The following ISOC1 variants were observed in gnomAD, a reference collection of about 807,000 sequenced individuals.
ISOC1 encodes the protein isochorismatase domain-containing protein 1.
In ISOC1, 33 loss-of-function variants were observed where a neutral mutation model predicts 30.0. The ratio of observed to expected loss-of-function variants is 1.10; its 90% confidence interval spans 0.83 to 1.47. The LOEUF is 1.47. Ranked by LOEUF, ISOC1 falls within the 40% of genes most tolerant of loss-of-function variation. ISOC1 has a pLI of 0.00. For synonymous variants in ISOC1, 178 were observed against 159.8 expected (o/e 1.11, Z -0.86); for missense variants, 372 against 388.0 (o/e 0.96, Z 0.35).
intron 1 of ISOC1, among the ~76,000 whole-genome samples, chr5:129,097,198 C>A (rs1227906250): frequency 6.6e-6 from 1 of 151,846 alleles, no homozygotes; most frequent in Non-Finnish European, 1.5e-5. Flanking sequence ...ATTTTTAATT[C>A]TTTAAAAATA....
intron 1 of ISOC1, among the ~76,000 whole-genome samples, chr5:129,100,658 G>C (rs762867194): frequency 1.3e-5 from 2 of 152,060 alleles, no homozygotes; most frequent in Non-Finnish European, 2.9e-5. Context: ...GGCTACTGGC[G>C]ATATTTTTTA....
Position 129,110,637 on chromosome 5 carries a change from C to T in ISOC1, c.751-2218C>T, listed in dbSNP as rs551756083. Among the ~76,000 whole-genome samples the T allele has an allele frequency of 2.6e-5, 4 of 151,752 alleles. No individual in the cohort carries two copies. The South Asian group carries it at 8.3e-4, about 31-fold the overall frequency. On this transcript the variant is annotated intron_variant, in intron 4 of 4. Coordinates refer to ENST00000173527, the MANE Select transcript of ISOC1 (RefSeq NM_016048.2). ...GTATTTCTGTGATGTACACTTCCCA[C>T]TCTGCCCCTGCTATGGCCACCTGAG...
intron 4 of ISOC1, among the ~76,000 whole-genome samples, chr5:129,108,510 CT>C (rs561317009): frequency 2.4e-3 from 346 of 143,800 alleles, no homozygotes; most frequent in Non-Finnish European, 2.6e-3. Context: ...TAATCCATTT[CT>C]TTTTTTTTTT....
At chr5:129,098,944 G>A (rs1291629631) in intron 1 of ISOC1, among the ~76,000 whole-genome samples, 6 of 152,160 alleles carry the variant, frequency 3.9e-5, no homozygotes, top group Non-Finnish European at 7.3e-5. Flanking sequence ...TTTGAAGGTA[G>A]TGGTTTTTGA....
chr5:129,100,484 G>A (rs1469645981), intron 1 of ISOC1, among the ~76,000 whole-genome samples: 3 of 152,024 alleles, frequency 2.0e-5, no homozygotes, highest in Non-Finnish European at 4.4e-5. Context: ...ATAGATATAC[G>A]AAGGTGTGTG....
chr5:129,104,931 A>G lies in ISOC1; in HGVS notation c.310-25A>G, dbSNP rs757526233. On this transcript the variant is annotated intron_variant, in intron 1 of 4. Coordinates refer to ENST00000173527, the MANE Select transcript of ISOC1 (RefSeq NM_016048.2). ...AATGTCATTGTACAACAAGTGCTAA[A>G]TCATTCTTTTTCTTTTTTCCTCAGC... is the stretch of plus-strand genomic sequence containing the variant. 8.1e-6 allele frequency: 13 copies of G among 1,609,022 alleles called. No homozygotes were observed. In the African/African-American group the frequency reaches 1.7e-4, roughly 22 times the overall value.
At chr5:129,102,093 G>A (rs1356831328) in intron 1 of ISOC1, among the ~76,000 whole-genome samples, 1 of 152,104 alleles carries the variant, frequency 6.6e-6, no homozygotes, top group East Asian at 1.9e-4. Flanking sequence ...CCATTGTAAA[G>A]TTACTCTTCC....
intron 1 of ISOC1, among the ~76,000 whole-genome samples, chr5:129,096,898 GAA>G (rs1231958048): frequency 1.3e-5 from 2 of 152,088 alleles, no homozygotes. Context: ...TTTTATATTT[GAA>G]AATTTCAGGG....
At position 129,095,111 on chromosome 5, in the gene ISOC1, C is replaced by T. The variant is rs960094801; in HGVS notation, c.309+36C>T. Reference sequence around the variant, plus strand: ...CGGGAGGCCGCGCGCTTCCCTGTTCCCGAGTCGTCCCCGTCCCCGTCCCTG... The same window carrying T: ...CGGGAGGCCGCGCGCTTCCCTGTTCTCGAGTCGTCCCCGTCCCCGTCCCTG... On this transcript the variant is annotated intron_variant, in intron 1 of 4. Coordinates refer to ENST00000173527, the MANE Select transcript of ISOC1 (RefSeq NM_016048.2). The T allele has an allele frequency of 6.7e-6, 10 of 1,500,528 alleles. No individual in the cohort carries two copies. In the African/African-American group the frequency reaches 8.4e-5, roughly 13 times the overall value. The allele number at this position is 1,500,528 out of a possible 1,614,324, so 93.0% of individuals were successfully genotyped here. A position where few individuals can be genotyped will look rare whatever the true frequency, so the allele number is the denominator to read the frequency against.
chr5:129,104,388 T>C (rs1753608319), intron 1 of ISOC1, among the ~76,000 whole-genome samples: 1 of 152,172 alleles, frequency 6.6e-6, no homozygotes, highest in African/African-American at 2.4e-5. Flanking sequence ...CATCAGATTT[T>C]TTTTCTATTG....
chr5:129,106,956 G>T lies in ISOC1; in HGVS notation c.644G>T (p.Cys215Phe). ...GTACTTTCCTACTAGACTCATGTGT[G>T]CATCCAACAAACTGCCCTGGAGCTA... ...VVLFGVETHV[C>F]IQQTALELVG... The change falls in exon 4 of 5, where the codon TGC becomes TTC. Residue 215 changes from cysteine (C) to phenylalanine (F), a missense_variant. Cys to Phe is a radical substitution (Grantham distance 205). Transcript: ENST00000173527. 1 of 1,612,396 alleles carries T rather than the reference G, an allele frequency of 6.2e-7. No homozygotes were observed. Among genetic ancestry groups the T allele is most frequent in the Non-Finnish European group, 8.5e-7 (1 of 1,178,632 alleles).
In ISOC1 at chr5:129,094,873, C is replaced by G. The variant is rs776026043; in HGVS notation, c.107C>G (p.Ala36Gly). 6.3e-7 allele frequency: 1 copy of G among 1,598,590 alleles called. No homozygotes were observed. Among genetic ancestry groups the G allele is most frequent in the Non-Finnish European group, 8.5e-7 (1 of 1,174,474 alleles). Residue 36 changes from alanine (A) to glycine (G), a missense_variant, in exon 1 of 5, where the codon GCG becomes GGG. Transcript: ENST00000173527. ...GTGCTCTTCTGTTTCTCAGTCTTCG[C>G]GCGACCCTCGTCGGTGCCACACGGG... ...VPVLFCFSVF[A>G]RPSSVPHGAG... is the part of the protein sequence containing the mutation.
rs1343284410 is a variant in ISOC1, at chr5:129,105,292, A to G, written c.537A>G (p.Val179=). 6.2e-7 allele frequency: 1 copy of G among 1,613,742 alleles called. No homozygotes were observed. Among genetic ancestry groups the G allele is most frequent in the South Asian group, 1.1e-5 (1 of 91,082 alleles). The change falls in exon 3 of 5, where the codon GTA becomes GTG. Residue 179 remains valine, a synonymous_variant. Coordinates refer to ENST00000173527, the MANE Select transcript of ISOC1 (RefSeq NM_016048.2). ...TTGATTTAACAGGTGTAAAACTGGT[A>G]CTTCCAAAGACCAAGTTTTCAATGG... The part of the protein sequence containing the change: ...QEIDLTGVKL[V]LPKTKFSMVL...
chr5:129,097,783 G>A (rs1753522485), intron 1 of ISOC1: 1 of 153,074 alleles, frequency 6.5e-6, no homozygotes, highest in South Asian at 2.1e-4. Context: ...GCCGAACACA[G>A]CACTACTGCT....
chr5:129,106,798 A>G, intron 3 of ISOC1, 148 bp from the exon 4 acceptor site: 1 of 556,346 alleles, frequency 1.8e-6, no homozygotes, highest in Admixed American at 2.8e-5. Flanking sequence ...GCTCCAGATT[A>G]TCTAGCTAAT....
At chr5:129,101,179 AAAAAAAAAAAAAAAT>A (rs1382360122) in intron 1 of ISOC1, among the ~76,000 whole-genome samples, 4 of 115,854 alleles carry the variant, frequency 3.5e-5, no homozygotes, top group Non-Finnish European at 6.8e-5. Flanking sequence ...AAAAAAAAAA[AAAAAAAAAAAAAAAT>A]ATATATATAT....
At position 129,105,088 on chromosome 5, in the gene ISOC1, A is replaced by G. The variant is rs779863051; in HGVS notation, c.429+13A>G. 2 of 1,613,740 alleles carry G rather than the reference A, an allele frequency of 1.2e-6. No homozygotes were observed. The highest frequency in any genetic ancestry group is 3.3e-5 in the Admixed American group (2 of 60,014). On this transcript the variant is annotated intron_variant, in intron 2 of 4. Coordinates refer to ENST00000173527, the MANE Select transcript of ISOC1 (RefSeq NM_016048.2). ...GGGACAGAGATTGGTATGCTTGTTT[A>G]CTTATTTGGTCATATTTGCTGAATC... is the stretch of plus-strand genomic sequence containing the variant.
chr5:129,095,180 G>C lies in ISOC1; in HGVS notation c.309+105G>C, dbSNP rs548120381. 7.0e-5 allele frequency: 82 copies of C among 1,177,234 alleles called. No individual in the cohort carries two copies. In the African/African-American group the frequency reaches 1.2e-3, roughly 17 times the overall value. 72.9% of individuals were successfully genotyped at this position (1,177,234 alleles called of 1,614,324 possible). A position where few individuals can be genotyped will look rare whatever the true frequency, so the allele number is the denominator to read the frequency against. On this transcript the variant is annotated intron_variant, in intron 1 of 4. Coordinates refer to ENST00000173527, the MANE Select transcript of ISOC1 (RefSeq NM_016048.2). ...TCCTCAGGTGCCCCGAGCCGCCCGG[G>C]ACCCGGGCCCTGCGCGAGTGGCTGA...
intron 4 of ISOC1, among the ~76,000 whole-genome samples, chr5:129,111,963 G>A (rs183471944): frequency 1.3e-5 from 2 of 152,160 alleles, no homozygotes; most frequent in South Asian, 2.1e-4. Flanking sequence ...ATCATCCAGG[G>A]AGTCTCCTGA....
Sources: gnomAD v4.1 joint callset for allele counts (sites outside exome capture counted in the v4.1 genomes callset) on GRCh38, gnomAD v4.1.1 for gene constraint, MANE v1.5 for transcripts, NCBI Gene and HGNC (gene_info 2026-07-23, HGNC 2026-07-21) for gene names.